Variants in PSMB7 observed in about 807,000 individuals in gnomAD.
PSMB7 encodes proteasome subunit beta type-7.
A neutral mutation model predicts 28.1 loss-of-function variants in PSMB7; 5 were observed. That is an observed-to-expected ratio of 0.18 (90% CI 0.09 to 0.37). PSMB7 has a LOEUF of 0.37. Ranked by LOEUF, PSMB7 falls within the 10% of genes least tolerant of loss-of-function variation. PSMB7 has a pLI of 1.00. For synonymous variants in PSMB7, 122 were observed against 123.7 expected (o/e 0.99, Z 0.09); for missense variants, 275 against 346.2 (o/e 0.79, Z 1.63).
chr9:124,356,984 C>G lies in PSMB7; in HGVS notation c.571-69G>C. The G allele has an allele frequency of 6.4e-7, 1 of 1,574,660 alleles. No individual in the cohort carries two copies. Among genetic ancestry groups the G allele is most frequent in the Non-Finnish European group, 8.7e-7 (1 of 1,150,218 alleles). ...GGCCTGCTCTGACATCCGCAATGTA[C>G]GTCCACTAGCAGTGCGCAAGACCTC... On this transcript the variant is annotated intron_variant, in intron 6 of 7. Transcript: ENST00000259457. This position sits in a 1 kb window ranked among gnomAD's most constrained non-coding sequence, Gnocchi z 4.4.
chr9:124,358,483 G>A (rs1026694675), intron 6 of PSMB7, among the ~76,000 whole-genome samples: 2 of 152,174 alleles, frequency 1.3e-5, no homozygotes, highest in South Asian at 2.1e-4. Context: ...AACGGGATCC[G>A]CTAATTAGGA....
At chr9:124,378,358 C>A (rs1830634318) in intron 6 of PSMB7, among the ~76,000 whole-genome samples, 1 of 152,122 alleles carries the variant, frequency 6.6e-6, no homozygotes, top group East Asian at 1.9e-4. Flanking sequence ...TTCAATAGTA[C>A]AGAATATGTA....
chr9:124,385,813 G>T (rs769166903), intron 5 of PSMB7, among the ~76,000 whole-genome samples: 1 of 152,168 alleles, frequency 6.6e-6, no homozygotes, highest in Non-Finnish European at 1.5e-5. Flanking sequence ...AATGAAAAAG[G>T]AGAAGCTGAC....
At chr9:124,377,496 AACAC>A (rs914278937) in intron 6 of PSMB7, among the ~76,000 whole-genome samples, 1 of 152,248 alleles carries the variant, frequency 6.6e-6, no homozygotes, top group Non-Finnish European at 1.5e-5. Context: ...TTACAAAAAA[AACAC>A]ACACACAGTT....
intron 5 of PSMB7, among the ~76,000 whole-genome samples, chr9:124,399,738 G>A (rs988475290): frequency 6.6e-6 from 1 of 152,118 alleles, no homozygotes; most frequent in Non-Finnish European, 1.5e-5. Context: ...GTGGCCCAGG[G>A]GTTAGCTGCT....
At chr9:124,378,189 G>A (rs1588572897) in intron 6 of PSMB7, among the ~76,000 whole-genome samples, 1 of 152,252 alleles carries the variant, frequency 6.6e-6, no homozygotes, top group South Asian at 2.1e-4. Context: ...ATTATTGCCT[G>A]TCATGGATTT....
chr9:124,358,010 G>A (rs1176327969), intron 6 of PSMB7, among the ~76,000 whole-genome samples: 8 of 152,156 alleles, frequency 5.3e-5, no homozygotes, highest in South Asian at 2.1e-4. Flanking sequence ...TATATACAAC[G>A]AGGACAAAAA....
At chr9:124,399,267 TGAGA>T (rs1177472291) in intron 5 of PSMB7, among the ~76,000 whole-genome samples, 3 of 152,190 alleles carry the variant, frequency 2.0e-5, no homozygotes, top group Non-Finnish European at 4.4e-5. Context: ...CGTGAGACCC[TGAGA>T]GTGAGGCACA....
chr9:124,371,871 A>C (rs554418796), intron 6 of PSMB7, among the ~76,000 whole-genome samples: 1 of 152,318 alleles, frequency 6.6e-6, no homozygotes, highest in South Asian at 2.1e-4. Context: ...TGGTCACAAG[A>C]CCAGAAGTTT....
At chr9:124,358,936 C>T (rs764523584) in intron 6 of PSMB7, among the ~76,000 whole-genome samples, 7 of 152,168 alleles carry the variant, frequency 4.6e-5, no homozygotes, top group Middle Eastern at 3.2e-3. Context: ...CTTGGGGAAA[C>T]GGAAATATAC....
At chr9:124,414,072 T>TAAAGTAGAA in intron 2 of PSMB7, 67 bp from the exon 3 acceptor site, 1 of 1,037,270 alleles carries the variant, frequency 9.6e-7, no homozygotes, top group Non-Finnish European at 1.4e-6. Flanking sequence ...CTATTCTACT[T>TAAAGTAGAA]TAGGGAATAC....
In PSMB7 at chr9:124,410,630, A is replaced by G. The variant is rs191720492; in HGVS notation, c.395+1722T>C. ...ATTTGGTTGGCAATAATTCTCCTGG[A>G]TTAGAATAATGATACGTACACAAAC... On this transcript the variant is annotated intron_variant, in intron 4 of 7. Transcript: ENST00000259457. Among the ~76,000 whole-genome samples the G allele has an allele frequency of 1.3e-3, 197 of 152,366 alleles. 1 individual carries two copies. The highest frequency in any genetic ancestry group is 2.4e-3 in the Non-Finnish European group (163 of 68,038).
intron 6 of PSMB7, among the ~76,000 whole-genome samples, chr9:124,361,703 GT>G (rs1318692580): frequency 6.6e-6 from 1 of 152,196 alleles, no homozygotes; most frequent in Non-Finnish European, 1.5e-5. Context: ...TAGAGAATGA[GT>G]TTTAAACTGT....
At position 124,356,829 on chromosome 9, in the gene PSMB7, G is replaced by T; in HGVS notation, c.657C>A (p.Cys219Ter). ...DLGSGSNIDL[C>*]VISKNKLDFL... The stretch of plus-strand genomic sequence containing the variant: ...AATCCAGCTTGTTCTTGCTGATGAC[G>T]CAGAGGTCAATGTTGCTTCCGGAGC... Residue 219 changes from cysteine (C) to a stop codon, truncating the protein, a stop_gained, in exon 7 of 8, where the codon TGC becomes TGA. Coordinates refer to ENST00000259457, the MANE Select transcript of PSMB7 (RefSeq NM_002799.4). LOFTEE classifies it high-confidence loss of function. This position sits in a 1 kb window ranked among gnomAD's most constrained non-coding sequence, Gnocchi z 4.4. 6.2e-7 allele frequency: 1 copy of T among 1,614,088 alleles called. No individual in the cohort carries two copies. Among genetic ancestry groups the T allele is most frequent in the Non-Finnish European group, 8.5e-7 (1 of 1,180,000 alleles).
intron 6 of PSMB7, among the ~76,000 whole-genome samples, chr9:124,364,647 C>T (rs1252528040): frequency 6.6e-6 from 1 of 152,118 alleles, no homozygotes; most frequent in Non-Finnish European, 1.5e-5. Context: ...TTCTCTCTCT[C>T]TGCAAAAACA....
Position 124,414,916 on chromosome 9 carries a change from C to T in PSMB7, c.82G>A (p.Asp28Asn), listed in dbSNP as rs779755103. The change falls in exon 2 of 8, where the codon GAT becomes AAT. Residue 28 changes from aspartate to asparagine, a missense_variant. Physicochemically the swap from Asp to Asn is conservative, Grantham distance 23. Coordinates refer to ENST00000259457, the MANE Select transcript of PSMB7 (RefSeq NM_002799.4). ...AGCTTGTATCCCCTCTTTGCAAAAT[C>T]GGCTTCCAAGACGGCATTCCTAAGA... is the stretch of plus-strand genomic sequence containing the variant. The part of the protein sequence containing the change: ...NCRRNAVLEA[D>N]FAKRGYKLPK... The T allele has an allele frequency of 6.2e-6, 10 of 1,612,786 alleles. No homozygotes were observed. In the South Asian group the frequency reaches 7.7e-5, roughly 12 times the overall value.
intron 6 of PSMB7, among the ~76,000 whole-genome samples, chr9:124,360,168 T>G (rs1830452607): frequency 6.6e-6 from 1 of 152,222 alleles, no homozygotes. Flanking sequence ...ATTTCACAAT[T>G]AAACAACTTT....
intron 6 of PSMB7, among the ~76,000 whole-genome samples, chr9:124,382,327 C>T (rs963329552): frequency 8.1e-6 from 1 of 123,480 alleles, no homozygotes; most frequent in African/African-American, 3.0e-5. Context: ...CCTTCCTCAG[C>T]CTCCCGAGTA....
chr9:124,403,500 T>A (rs1830933032), intron 5 of PSMB7, among the ~76,000 whole-genome samples: 1 of 152,204 alleles, frequency 6.6e-6, no homozygotes, highest in Non-Finnish European at 1.5e-5. Context: ...TACTCCAGCC[T>A]GTGCAGCAGA....
Sources: allele counts gnomAD v4.1 joint callset (sites outside exome capture counted in the v4.1 genomes callset), GRCh38; gene constraint gnomAD v4.1.1; non-coding constraint Gnocchi (gnomAD v3.1); transcripts MANE v1.5; gene names NCBI Gene and HGNC (gene_info 2026-07-23, HGNC 2026-07-21).